Variants in BCL11B observed in about 807,000 individuals in gnomAD.
BCL11B encodes BCL11 transcription factor B, also known as B-cell lymphoma/leukemia 11B.
A neutral mutation model predicts 49.9 loss-of-function variants in BCL11B; 8 were observed. The ratio of observed to expected loss-of-function variants is 0.16; its 90% confidence interval spans 0.09 to 0.29. The LOEUF (loss-of-function observed/expected upper bound fraction) is 0.29. Ranked by LOEUF, BCL11B falls within the 10% of genes least tolerant of loss-of-function variation. The probability of loss-of-function intolerance (pLI) is 1.00; values close to 1 mark genes in which losing one functional copy is unlikely to be tolerated. For synonymous variants in BCL11B, 739 were observed against 637.4 expected (o/e 1.16, Z -2.40); for missense variants, 1,006 against 1,351.0 (o/e 0.74, Z 4.00).
chr14:99,271,326 C>T lies in BCL11B; in HGVS notation c.-108G>A. On this transcript the variant is annotated 5_prime_UTR_variant, in exon 1 of 4. Coordinates refer to ENST00000357195, the MANE Select transcript of BCL11B (RefSeq NM_138576.4). The stretch of plus-strand genomic sequence containing the variant: ...CCGCTGCCGCCGCTGCCGCCGCCGC[C>T]GCCGCCGCCGCACCTCCTCCTCTGC... The T allele has an allele frequency of 6.6e-6, 5 of 760,236 alleles. No individual in the cohort carries two copies. The highest frequency in any genetic ancestry group is 8.7e-6 in the Non-Finnish European group (5 of 572,038). The allele number at this position is 760,236 out of a possible 1,614,324, so 47.1% of individuals were successfully genotyped here.
chr14:99,239,535 G>A (rs1888602458), intron 2 of BCL11B, among the ~76,000 whole-genome samples: 1 of 152,146 alleles, frequency 6.6e-6, no homozygotes, highest in Admixed American at 6.5e-5. Flanking sequence ...TAGAGCTGGG[G>A]GTGGGAGTGG....
intron 3 of BCL11B, among the ~76,000 whole-genome samples, chr14:99,199,461 C>T (rs925401887): frequency 2.0e-5 from 3 of 152,278 alleles, no homozygotes; most frequent in Non-Finnish European, 4.4e-5. Flanking sequence ...TCTGCACAGA[C>T]GCCCAGATAT....
Position 99,257,736 on chromosome 14 carries a change from G to A in BCL11B, c.162C>T (p.Asp54=), listed in dbSNP as rs957148119. 1.2e-6 allele frequency: 2 copies of A among 1,610,910 alleles called. No homozygotes were observed. The highest frequency in any genetic ancestry group is 2.7e-5 in the African/African-American group (2 of 74,866). Residue 54 remains aspartate (D), a synonymous_variant, in exon 2 of 4, where the codon GAC becomes GAT. Transcript: ENST00000357195. This position sits in a 1 kb window ranked among gnomAD's most constrained non-coding sequence, Gnocchi z 6.2. ...TTTGACACTGGCCACAGGTGAGCAG[G>A]TCAGGGTCGGGGCCACCCACCATCA... ...LGLMVGGPDP[D]LLTCGQCQMN...
chr14:99,179,500 G>T (rs1405632806), intron 3 of BCL11B, among the ~76,000 whole-genome samples: 2 of 87,268 alleles, frequency 2.3e-5, no homozygotes, highest in African/African-American at 7.8e-5. Flanking sequence ...AAAAAAAAAA[G>T]CTTCTAAAAC....
intron 3 of BCL11B, among the ~76,000 whole-genome samples, chr14:99,177,598 T>C (rs807450): frequency 0.27 from 34,443 of 127,206 alleles, 4,562 homozygotes; most frequent in Middle Eastern, 0.43. Flanking sequence ...GCAGAAGACA[T>C]GGCATGCGAG....
At chr14:99,176,289 C>T (rs932776880) in intron 3 of BCL11B, 94 bp from the exon 4 acceptor site, 9 of 1,154,776 alleles carry the variant, frequency 7.8e-6, no homozygotes, top group East Asian at 2.8e-5. Flanking sequence ...GGACGCGGCC[C>T]GGGCTGATCC....
chr14:99,199,683 TGCGCGCGC>T (rs1555378683), intron 3 of BCL11B, among the ~76,000 whole-genome samples: 1 of 73,642 alleles, frequency 1.4e-5, no homozygotes, highest in African/African-American at 3.4e-5. Flanking sequence ...TGTGTGTGTG[TGCGCGCGC>T]GCGCGCACGT....
At chr14:99,187,107 G>A (rs531603722) in intron 3 of BCL11B, among the ~76,000 whole-genome samples, 1 of 152,204 alleles carries the variant, frequency 6.6e-6, no homozygotes, top group Non-Finnish European at 1.5e-5. Context: ...AACAGTCTGT[G>A]TTTCAACCGT....
At chr14:99,270,373 T>A (rs1889628505) in intron 1 of BCL11B, among the ~76,000 whole-genome samples, 2 of 151,920 alleles carry the variant, frequency 1.3e-5, no homozygotes, top group South Asian at 4.2e-4. Context: ...CAACCTTTTT[T>A]TTTTTCCTCG....
chr14:99,179,559 C>G (rs1352194589), intron 3 of BCL11B, among the ~76,000 whole-genome samples: 1 of 148,912 alleles, frequency 6.7e-6, no homozygotes, highest in African/African-American at 2.5e-5. Flanking sequence ...AATTCACCAT[C>G]AGGTGAGAAG....
intron 3 of BCL11B, among the ~76,000 whole-genome samples, chr14:99,179,535 CATTACCTGTCCATA>C (rs924732737): frequency 2.1e-4 from 31 of 144,328 alleles, no homozygotes; most frequent in Non-Finnish European, 3.8e-4. Flanking sequence ...ATAGGGAGGG[CATTACCTGTCCATA>C]ATTCACCATC....
At position 99,174,278 on chromosome 14, in the gene BCL11B, AC is replaced by A; in HGVS notation, c.2557del (p.Val853CysfsTer21). ...CATCTGGCAGATGTCGCAGCGGTAC[AC>A]CTCCTTGCCGATCTGCCCGTGCGTC... ...MKTHGQIGKE[V>X]YRCDICQMPF... On this transcript the variant is annotated frameshift_variant, in exon 4 of 4. Transcript: ENST00000357195. LOFTEE classifies it high-confidence loss of function. 1 of 1,613,450 alleles carries A rather than the reference AC, an allele frequency of 6.2e-7. No homozygotes were observed. The highest frequency in any genetic ancestry group is 8.5e-7 in the Non-Finnish European group (1 of 1,179,940).
At chr14:99,209,465 G>A (rs1887627898) in intron 3 of BCL11B, among the ~76,000 whole-genome samples, 1 of 150,548 alleles carries the variant, frequency 6.6e-6, no homozygotes, top group Non-Finnish European at 1.5e-5. Flanking sequence ...AATGAGGTCA[G>A]TGCCAGGGCC....
Position 99,271,298 on chromosome 14 carries a change from G to GCGCCGCTGC in BCL11B, c.-89_-81dup, listed in dbSNP as rs71110580. The GCGCCGCTGC allele has an allele frequency of 0.24, 211,533 of 875,288 alleles. 41,945 individuals are homozygous for GCGCCGCTGC. The highest frequency in any genetic ancestry group is 0.28 in the Non-Finnish European group (186,215 of 668,104). The allele number at this position is 875,288 out of a possible 1,614,324, so 54.2% of individuals were successfully genotyped here. On this transcript the variant is annotated 5_prime_UTR_variant, in exon 1 of 4. Transcript: ENST00000357195. ...GGGGGAGGGGGTCCGAGCCGCCGCCGCGCCGCTGCCGCCGCTGCCGCCGCC... is the reference window on the plus strand; with the variant it reads ...GGGGGAGGGGGTCCGAGCCGCCGCCGCGCCGCTGCCGCCGCTGCCGCCGCTGCCGCCGCC...
At chr14:99,203,704 G>A (rs1236840580) in intron 3 of BCL11B, among the ~76,000 whole-genome samples, 2 of 152,114 alleles carry the variant, frequency 1.3e-5, no homozygotes, top group Admixed American at 1.3e-4. Context: ...CATCTCCTGG[G>A]CCAAGCTCTG....
At chr14:99,214,674 AT>A (rs59896546) in intron 3 of BCL11B, among the ~76,000 whole-genome samples, 36 of 151,180 alleles carry the variant, frequency 2.4e-4, no homozygotes, top group East Asian at 2.1e-3. Context: ...TATTAAAAAA[AT>A]AAATAAATAA....
At position 99,225,439 on chromosome 14, in the gene BCL11B, C is replaced by T. The variant is rs375589321; in HGVS notation, c.640+5906G>A. On this transcript the variant is annotated intron_variant, in intron 3 of 3. Transcript: ENST00000357195. ...GCCTCCTCTGCCACTTTCCGAGTCCCTTTAAAGGAGAACGGGGCTGCCTTG... is the reference window on the plus strand; with the variant it reads ...GCCTCCTCTGCCACTTTCCGAGTCCTTTTAAAGGAGAACGGGGCTGCCTTG... Among the ~76,000 whole-genome samples the T allele has an allele frequency of 3.2e-4, 48 of 152,324 alleles. 1 individual carries two copies. The highest frequency in any genetic ancestry group is 1.1e-3 in the African/African-American group (44 of 41,576).
Position 99,176,079 on chromosome 14 carries a change from C to G in BCL11B, c.757G>C (p.Gly253Arg), listed in dbSNP as rs755219654. Residue 253 changes from glycine (G) to arginine (R), a missense_variant, in exon 4 of 4, where the codon GGG becomes CGG. Around this residue, in one of 6 missense-constraint regions of BCL11B, gnomAD observed 411 missense variants for 542.2 expected, o/e 0.76. Coordinates refer to ENST00000357195, the MANE Select transcript of BCL11B (RefSeq NM_138576.4). ...GGCGTGAGCGAGCTGCTGGCCGGCC[C>G]GGGCTCCAGGTAGATGCGGAAGCCG... ...THGFRIYLEP[G>R]PASSSLTPRL... is the part of the protein sequence containing the mutation. 2 of 1,606,812 alleles carry G rather than the reference C, an allele frequency of 1.2e-6. No homozygotes were observed. The highest frequency in any genetic ancestry group is 2.2e-5 in the East Asian group (1 of 44,456).
intron 2 of BCL11B, among the ~76,000 whole-genome samples, chr14:99,236,437 G>A (rs1295743447): frequency 2.0e-5 from 3 of 152,106 alleles, no homozygotes; most frequent in Non-Finnish European, 2.9e-5. Context: ...GGGAAATTAG[G>A]ATTCTTTTTC....
Sources: gnomAD v4.1 joint callset for allele counts (sites outside exome capture counted in the v4.1 genomes callset) on GRCh38, gnomAD v4.1.1 for gene constraint, gnomAD v4.1.1 regional missense constraint, Gnocchi (gnomAD v3.1) non-coding constraint, MANE v1.5 for transcripts, NCBI Gene and HGNC (gene_info 2026-07-23, HGNC 2026-07-21) for gene names.